RSF1: variants seen among roughly 807,000 people sequenced by gnomAD.
The protein encoded by RSF1 is HBV pX-associated protein 8.
In RSF1, 13 loss-of-function variants were observed where a neutral mutation model predicts 145.2. The ratio of observed to expected loss-of-function variants is 0.09; its 90% confidence interval spans 0.06 to 0.14. RSF1 has a LOEUF of 0.14. Ranked by LOEUF, RSF1 falls within the 10% of genes least tolerant of loss-of-function variation. RSF1 has a pLI of 1.00. For synonymous variants in RSF1, 577 were observed against 592.6 expected, an observed-to-expected ratio of 0.97 and a Z score of 0.38; for missense variants, 1,517 against 1,718.2, an observed-to-expected ratio of 0.88 and a Z score of 2.07.
chr11:77,738,442 A>G (rs750460982), intron 4 of RSF1, among the ~76,000 whole-genome samples: 7 of 152,374 alleles, frequency 4.6e-5, no homozygotes, highest in East Asian at 1.9e-4. Context: ...ATTAAGTATT[A>G]TAAGTATATG....
intron 1 of RSF1, among the ~76,000 whole-genome samples, chr11:77,802,025 C>T (rs1948631327): frequency 6.6e-6 from 1 of 151,922 alleles, no homozygotes; most frequent in African/African-American, 2.4e-5. Context: ...ATAATAATCC[C>T]TAAACTAGGA....
Position 77,678,073 on chromosome 11 carries a change from G to A in RSF1, c.3133+13C>T, listed in dbSNP as rs751814183. On this transcript the variant is annotated intron_variant, in intron 12 of 15. Transcript: ENST00000308488. Reference sequence around the variant, plus strand: ...CAGAGTTCTATGAAGAAGAGAGAACGACAAACACATACCTCCTCCATCGGC... The same window carrying A: ...CAGAGTTCTATGAAGAAGAGAGAACAACAAACACATACCTCCTCCATCGGC... The A allele has an allele frequency of 1.9e-5, 30 of 1,604,944 alleles. No homozygotes were observed. In the Middle Eastern group the frequency reaches 9.9e-4, roughly 53 times the overall value.
At position 77,752,967 on chromosome 11, in the gene RSF1, T is replaced by A. The variant is rs543558914; in HGVS notation, c.280-5839A>T. Reference sequence around the variant, plus strand: ...TACATTCCCACCAGCACCAAAACAGTCTACAAATGCGATGGCAACACCAGG... The same window carrying A: ...TACATTCCCACCAGCACCAAAACAGACTACAAATGCGATGGCAACACCAGG... On this transcript the variant is annotated intron_variant, in intron 2 of 15. Transcript: ENST00000308488. 3.5e-4 allele frequency among the ~76,000 whole-genome samples: 53 copies of A among 152,036 alleles called. 2 individuals carry two copies. The South Asian group carries it at 0.011, about 31-fold the overall frequency.
chr11:77,767,728 C>T (rs1259550348), intron 1 of RSF1, among the ~76,000 whole-genome samples: 5 of 152,168 alleles, frequency 3.3e-5, no homozygotes, highest in African/African-American at 1.2e-4. Context: ...CTTTTTGTCC[C>T]TGGAACACCC....
At position 77,702,150 on chromosome 11, in the gene RSF1, G is replaced by C; in HGVS notation, c.1079C>G (p.Ser360Cys). ...RIEFGGNIKS[S>C]HEITEKSTEE... ...AGTAGATTTCTCAGTAATTTCGTGAGAAGATTTAATATTGCCACCAAATTC... is the reference window on the plus strand; with the variant it reads ...AGTAGATTTCTCAGTAATTTCGTGACAAGATTTAATATTGCCACCAAATTC... Residue 360 changes from serine to cysteine, a missense_variant, in exon 6 of 16, where the codon TCT (serine) becomes TGT (cysteine). Ser to Cys is a moderately radical substitution (Grantham distance 112). Around this residue, in one of 12 missense-constraint regions of RSF1, gnomAD observed 207 missense variants for 191.4 expected, o/e 1.08. Transcript: ENST00000308488. 1 of 1,613,836 alleles carries C rather than the reference G, an allele frequency of 6.2e-7. No homozygotes were observed. The highest frequency in any genetic ancestry group is 8.5e-7 in the Non-Finnish European group (1 of 1,179,858).
intron 9 of RSF1, 152 bp from the exon 10 acceptor site, chr11:77,685,311 T>C (rs975525767): frequency 1.6e-5 from 7 of 444,048 alleles, no homozygotes; most frequent in Non-Finnish European, 2.8e-5. Context: ...ATTTATTTAT[T>C]TATAGACAAG....
intron 9 of RSF1, among the ~76,000 whole-genome samples, chr11:77,690,584 AC>A (rs1358391244): frequency 6.6e-6 from 1 of 152,158 alleles, no homozygotes; most frequent in Admixed American, 6.5e-5. Flanking sequence ...GGTGTGCGAC[AC>A]CATGCCCAGC....
At chr11:77,804,541 T>C (rs1279242188) in intron 1 of RSF1, among the ~76,000 whole-genome samples, 8 of 152,132 alleles carry the variant, frequency 5.3e-5, no homozygotes, top group African/African-American at 1.9e-4. Flanking sequence ...GCACATGGTG[T>C]CTAATAGTTG....
At chr11:77,681,727 A>G (rs1403891637) in intron 11 of RSF1, among the ~76,000 whole-genome samples, 1 of 152,214 alleles carries the variant, frequency 6.6e-6, no homozygotes, top group Non-Finnish European at 1.5e-5. Flanking sequence ...TAATAAAACT[A>G]TAGCCTTTTG....
intron 4 of RSF1, among the ~76,000 whole-genome samples, chr11:77,734,021 G>A (rs1961275661): frequency 6.6e-6 from 1 of 151,930 alleles, no homozygotes; most frequent in African/African-American, 2.4e-5. Flanking sequence ...TGGCAATTCT[G>A]TTTTAAACAT....
intron 4 of RSF1, among the ~76,000 whole-genome samples, chr11:77,728,531 A>G (rs776568313): frequency 2.7e-5 from 4 of 149,858 alleles, no homozygotes; most frequent in African/African-American, 9.8e-5. Flanking sequence ...AGGGGAAAGG[A>G]AAGGGGAAAG....
chr11:77,815,806 T>C (rs1378721047), intron 1 of RSF1, among the ~76,000 whole-genome samples: 1 of 152,212 alleles, frequency 6.6e-6, no homozygotes, highest in Non-Finnish European at 1.5e-5. Context: ...AGATGCTCAA[T>C]ATATATATTA....
At chr11:77,766,867 C>T (rs542871722) in intron 1 of RSF1, among the ~76,000 whole-genome samples, 11 of 152,036 alleles carry the variant, frequency 7.2e-5, no homozygotes, top group East Asian at 5.8e-4. Context: ...GGTGCAGGGC[C>T]GAAGCTAGAT....
intron 1 of RSF1, among the ~76,000 whole-genome samples, chr11:77,819,985 C>T (rs1371257939): frequency 2.0e-5 from 3 of 152,138 alleles, no homozygotes; most frequent in Non-Finnish European, 4.4e-5. Flanking sequence ...GAGTTCCCAA[C>T]AGAGGGAGGG....
intron 2 of RSF1, among the ~76,000 whole-genome samples, chr11:77,749,675 T>C (rs1038450025): frequency 6.6e-6 from 1 of 152,214 alleles, no homozygotes; most frequent in Non-Finnish European, 1.5e-5. Context: ...CCACACTGTT[T>C]AACTTAAATT....
chr11:77,697,006 G>A (rs1054009962), intron 7 of RSF1, among the ~76,000 whole-genome samples: 3 of 152,130 alleles, frequency 2.0e-5, no homozygotes, highest in Non-Finnish European at 4.4e-5. Context: ...ACATAATATA[G>A]ATCAGAAACT....
At chr11:77,815,393 C>CA (rs1039755903) in intron 1 of RSF1, among the ~76,000 whole-genome samples, 3 of 151,912 alleles carry the variant, frequency 2.0e-5, no homozygotes, top group African/African-American at 7.2e-5. Flanking sequence ...AGAAAACAAA[C>CA]AAAAAAAGCC....
At chr11:77,806,936 C>G (rs966383514) in intron 1 of RSF1, among the ~76,000 whole-genome samples, 5 of 152,118 alleles carry the variant, frequency 3.3e-5, no homozygotes, top group African/African-American at 1.2e-4. Context: ...ATTCATTCAG[C>G]TAACATTTGA....
intron 4 of RSF1, among the ~76,000 whole-genome samples, chr11:77,737,493 A>C (rs7946078): frequency 2.8e-4 from 41 of 146,406 alleles, no homozygotes; most frequent in East Asian, 7.7e-4. Flanking sequence ...ACAACAACAA[A>C]AAAACGGAAA....
Sources: gnomAD v4.1 joint callset for allele counts (sites outside exome capture counted in the v4.1 genomes callset) on GRCh38, gnomAD v4.1.1 for gene constraint, gnomAD v4.1.1 regional missense constraint, MANE v1.5 for transcripts, NCBI Gene and HGNC (gene_info 2026-07-23, HGNC 2026-07-21) for gene names.